Variants in IMPG1 observed in about 807,000 individuals in gnomAD.
IMPG1 encodes interphotoreceptor matrix proteoglycan 1.
Under a neutral mutation model 92.0 loss-of-function variants are expected in IMPG1, and 85 were observed. The observed-to-expected ratio is 0.92, with a 90% CI of 0.78 to 1.11. The LOEUF (loss-of-function observed/expected upper bound fraction) is 1.11, where lower values mean the gene tolerates loss of function less well. Among genes scored for constraint, IMPG1 ranks in the 50% least tolerant of loss-of-function variants. The probability of loss-of-function intolerance (pLI) is 0.00; values close to 1 mark genes in which losing one functional copy is unlikely to be tolerated. For synonymous variants in IMPG1, 367 were observed against 334.1 expected (o/e 1.10, Z -1.08); for missense variants, 1,022 against 956.0 (o/e 1.07, Z -0.91).
intron 12 of IMPG1, among the ~76,000 whole-genome samples, chr6:75,991,829 C>G: frequency 6.6e-6 from 1 of 152,188 alleles, no homozygotes; most frequent in Middle Eastern, 3.2e-3. Context: ...TTGATTTTGT[C>G]TGTTCCAGTT....
At chr6:75,922,964 A>G (rs761563410) in intron 16 of IMPG1, among the ~76,000 whole-genome samples, 2 of 152,004 alleles carry the variant, frequency 1.3e-5, no homozygotes, top group Non-Finnish European at 1.5e-5. Context: ...ATTATCACCA[A>G]TTGTTTCTAT....
chr6:75,984,298 C>T (rs533426155), intron 12 of IMPG1, among the ~76,000 whole-genome samples: 1 of 151,994 alleles, frequency 6.6e-6, no homozygotes, highest in Non-Finnish European at 1.5e-5. Flanking sequence ...TAATAAAAGC[C>T]AAGATATGGA....
intron 1 of IMPG1, among the ~76,000 whole-genome samples, chr6:76,064,535 A>G (rs1784274321): frequency 1.3e-5 from 2 of 151,926 alleles, no homozygotes; most frequent in Admixed American, 1.3e-4. Flanking sequence ...CCCTCTCCTC[A>G]CTGGGGAGAC....
chr6:76,055,351 T>C (rs1784103859), intron 1 of IMPG1, among the ~76,000 whole-genome samples: 1 of 152,038 alleles, frequency 6.6e-6, no homozygotes. Flanking sequence ...TAGAGAGTAT[T>C]TTTCTGAAAT....
intron 1 of IMPG1, among the ~76,000 whole-genome samples, chr6:76,061,799 A>C (rs1784211598): frequency 6.6e-6 from 1 of 152,238 alleles, no homozygotes; most frequent in Non-Finnish European, 1.5e-5. Context: ...GCAGTGATGC[A>C]CATATCAGAT....
intron 7 of IMPG1, among the ~76,000 whole-genome samples, chr6:76,017,224 T>C (rs1301634317): frequency 6.6e-6 from 1 of 151,798 alleles, no homozygotes; most frequent in Non-Finnish European, 1.5e-5. Context: ...AGAGATCTTA[T>C]TATGGTATAT....
At chr6:76,070,001 G>T (rs926423954) in intron 1 of IMPG1, among the ~76,000 whole-genome samples, 1 of 152,168 alleles carries the variant, frequency 6.6e-6, no homozygotes, top group Non-Finnish European at 1.5e-5. Flanking sequence ...GCAAGAAGGA[G>T]ACAAGGGTTG....
Position 75,987,316 on chromosome 6 carries a change from T to A in IMPG1, c.1291+15602A>T, listed in dbSNP as rs538493244. On this transcript the variant is annotated intron_variant, in intron 12 of 16. Coordinates refer to ENST00000369950, the MANE Select transcript of IMPG1 (RefSeq NM_001563.4). ...GACACACAGTCTTTTTTTTTTTTTT[T>A]AATTATACTTTAAGTTCTAGGGTAC... Among the ~76,000 whole-genome samples the A allele has an allele frequency of 6.0e-5, 9 of 150,684 alleles. No individual in the cohort carries two copies. In the South Asian group the frequency reaches 6.4e-4, roughly 11 times the overall value.
chr6:75,985,549 A>C (rs763111091), intron 12 of IMPG1, among the ~76,000 whole-genome samples: 9 of 149,318 alleles, frequency 6.0e-5, no homozygotes, highest in Non-Finnish European at 1.3e-4. Flanking sequence ...TCAATACATG[A>C]AAAAAATTAA....
chr6:76,022,144 G>A lies in IMPG1; in HGVS notation c.638C>T (p.Thr213Ile). The A allele has an allele frequency of 6.3e-7, 1 of 1,592,568 alleles. No homozygotes were observed. Among genetic ancestry groups the A allele is most frequent in the Non-Finnish European group, 8.6e-7 (1 of 1,164,558 alleles). Reference sequence around the variant, plus strand: ...TGTAGGCATCTTGGTGTCGTTGAGTGTATTATCGAGAATTTCATTGAGGAG... The same window carrying A: ...TGTAGGCATCTTGGTGTCGTTGAGTATATTATCGAGAATTTCATTGAGGAG... The part of the protein sequence containing the change: ...DTLLNEILDN[T>I]LNDTKMPTTE... Residue 213 changes from threonine to isoleucine, a missense_variant, in exon 6 of 17, where the codon ACA (threonine) becomes ATA (isoleucine). Coordinates refer to ENST00000369950, the MANE Select transcript of IMPG1 (RefSeq NM_001563.4).
At chr6:75,939,284 G>T (rs1781799983) in intron 14 of IMPG1, among the ~76,000 whole-genome samples, 1 of 151,954 alleles carries the variant, frequency 6.6e-6, no homozygotes, top group African/African-American at 2.4e-5. Context: ...GTGCCATGTT[G>T]GTGTGCTGCA....
At chr6:76,067,913 A>G (rs1168774788) in intron 1 of IMPG1, among the ~76,000 whole-genome samples, 1 of 152,204 alleles carries the variant, frequency 6.6e-6, no homozygotes, top group Non-Finnish European at 1.5e-5. Flanking sequence ...GATTCACAAC[A>G]TAAACAGGAT....
intron 1 of IMPG1, among the ~76,000 whole-genome samples, chr6:76,067,101 A>G (rs1282177961): frequency 2.0e-5 from 3 of 152,134 alleles, no homozygotes; most frequent in African/African-American, 7.2e-5. Flanking sequence ...AAGATCACAA[A>G]TTAACAACCT....
At chr6:75,996,844 G>C (rs1782910569) in intron 12 of IMPG1, among the ~76,000 whole-genome samples, 1 of 152,198 alleles carries the variant, frequency 6.6e-6, no homozygotes, top group African/African-American at 2.4e-5. Flanking sequence ...TGGTGATGAG[G>C]AATAATTATG....
intron 12 of IMPG1, among the ~76,000 whole-genome samples, chr6:75,985,515 T>C (rs1177759375): frequency 1.3e-5 from 2 of 152,218 alleles, no homozygotes; most frequent in African/African-American, 4.8e-5. Flanking sequence ...TGCAGAATTC[T>C]GCTAAAAAGT....
chr6:75,957,969 G>T (rs77037388), intron 12 of IMPG1, among the ~76,000 whole-genome samples: 1 of 152,124 alleles, frequency 6.6e-6, no homozygotes, highest in Admixed American at 6.5e-5. Flanking sequence ...TGGTTATTTT[G>T]CCCGTTTGTT....
At chr6:76,032,388 G>A (rs1356486234) in intron 4 of IMPG1, among the ~76,000 whole-genome samples, 1 of 152,132 alleles carries the variant, frequency 6.6e-6, no homozygotes, top group African/African-American at 2.4e-5. Flanking sequence ...TGTTTTGTGA[G>A]CAAAGGTAAT....
In IMPG1 at chr6:76,025,186, A is replaced by T; in HGVS notation, c.562+8T>A. The stretch of plus-strand genomic sequence containing the variant: ...GTTGAGAAGCAAAGAAATTAGATCT[A>T]AGCTTACCTGTTGAAATGACAATGG... On this transcript the variant is annotated splice_region_variant and intron_variant, in intron 5 of 16. Coordinates refer to ENST00000369950, the MANE Select transcript of IMPG1 (RefSeq NM_001563.4). 6.4e-7 allele frequency: 1 copy of T among 1,553,572 alleles called. No homozygotes were observed. Among genetic ancestry groups the T allele is most frequent in the Non-Finnish European group, 8.9e-7 (1 of 1,127,378 alleles).
intron 12 of IMPG1, among the ~76,000 whole-genome samples, chr6:75,974,384 TTTCTTTCTTTTCTTTCTTTCC>T (rs1562354731): frequency 1.3e-3 from 86 of 63,848 alleles, no homozygotes; most frequent in African/African-American, 2.6e-3. Flanking sequence ...TCTTTCTTTC[TTTCTTTCTTTTCTTTCTTTCC>T]TTCCTTCCTT....
Sources: gnomAD v4.1 joint callset for allele counts (sites outside exome capture counted in the v4.1 genomes callset) on GRCh38, gnomAD v4.1.1 for gene constraint, MANE v1.5 for transcripts, NCBI Gene and HGNC (gene_info 2026-07-23, HGNC 2026-07-21) for gene names.